Variants in RAPGEF4 observed in about 807,000 individuals in gnomAD.
RAPGEF4 encodes the protein RAP guanine-nucleotide-exchange factor (GEF) 4.
Under a neutral mutation model 147.9 loss-of-function variants are expected in RAPGEF4, and 66 were observed. That is an observed-to-expected ratio of 0.45 (90% confidence interval 0.37 to 0.55). The LOEUF is 0.55. RAPGEF4 is among the 20% of genes least tolerant of loss of function. The pLI, the probability that RAPGEF4 is intolerant of heterozygous loss-of-function variation, is 0.00. For synonymous variants in RAPGEF4, 419 were observed against 442.7 expected (o/e 0.95, Z 0.67); for missense variants, 1,071 against 1,257.3 (o/e 0.85, Z 2.24).
intron 17 of RAPGEF4, among the ~76,000 whole-genome samples, chr2:173,010,101 T>A (rs1337935507): frequency 3.9e-5 from 6 of 152,182 alleles, no homozygotes; most frequent in Non-Finnish European, 7.3e-5. Flanking sequence ...TCTGCCTCAG[T>A]TTTCTTACCT....
At chr2:172,761,892 G>A (rs1696381805) in intron 1 of RAPGEF4, among the ~76,000 whole-genome samples, 1 of 152,038 alleles carries the variant, frequency 6.6e-6, no homozygotes. Flanking sequence ...GGGAGGCCGA[G>A]GTAGGTGGAT....
chr2:172,737,224 A>G (rs906357415), intron 1 of RAPGEF4, among the ~76,000 whole-genome samples: 1 of 152,234 alleles, frequency 6.6e-6, no homozygotes, highest in African/African-American at 2.4e-5. Flanking sequence ...ATTTATGTCT[A>G]AAATGATATG....
intron 4 of RAPGEF4, among the ~76,000 whole-genome samples, chr2:172,887,990 C>A (rs986371334): frequency 6.6e-6 from 1 of 152,132 alleles, no homozygotes; most frequent in Non-Finnish European, 1.5e-5. Context: ...AATTCACATT[C>A]TTGTGTTTAT....
chr2:172,983,683 T>A, intron 11 of RAPGEF4, 103 bp downstream of exon 11: 1 of 1,493,838 alleles, frequency 6.7e-7, no homozygotes, highest in Non-Finnish European at 8.9e-7. Context: ...GAATGTCTGA[T>A]TTTCACCTCA....
At chr2:172,833,160 C>T (rs537666131) in intron 4 of RAPGEF4, among the ~76,000 whole-genome samples, 19 of 149,882 alleles carry the variant, frequency 1.3e-4, no homozygotes, top group Admixed American at 4.0e-4. Context: ...GCCGAGATCA[C>T]GCCATTGCAC....
chr2:172,784,726 C>G (rs867589372), intron 1 of RAPGEF4, among the ~76,000 whole-genome samples: 1 of 152,004 alleles, frequency 6.6e-6, no homozygotes, highest in Non-Finnish European at 1.5e-5. Context: ...GTTTCAAAGA[C>G]TTTTGCTATA....
chr2:172,790,752 T>G (rs997371737), intron 1 of RAPGEF4, among the ~76,000 whole-genome samples: 2 of 152,204 alleles, frequency 1.3e-5, no homozygotes, highest in African/African-American at 4.8e-5. Context: ...AACATGTGCT[T>G]TGTGCTTCAT....
At position 172,736,060 on chromosome 2, in the gene RAPGEF4, G is replaced by T; in HGVS notation, c.65+12G>T. 1 of 1,461,814 alleles carries T rather than the reference G, an allele frequency of 6.8e-7. No individual in the cohort carries two copies. The highest frequency in any genetic ancestry group is 9.1e-7 in the Non-Finnish European group (1 of 1,103,394). The allele number at this position is 1,461,814 out of a possible 1,614,324, so 90.6% of individuals were successfully genotyped here. A position where few individuals can be genotyped will look rare whatever the true frequency, so the allele number is the denominator to read the frequency against. ...TGCCTGGATAAAAGGTAGCTCGCCG[G>T]GGGCCGCAGCCGGGGGCCGAGCTCT... On this transcript the variant is annotated intron_variant, in intron 1 of 30. Transcript: ENST00000397081.
At chr2:172,992,210 T>G (rs1217375283) in intron 15 of RAPGEF4, among the ~76,000 whole-genome samples, 1 of 152,240 alleles carries the variant, frequency 6.6e-6, no homozygotes, top group African/African-American at 2.4e-5. Context: ...AAAAACTACC[T>G]GTCACTTACA....
intron 8 of RAPGEF4, among the ~76,000 whole-genome samples, chr2:172,962,866 A>G (rs1034356710): frequency 1.3e-5 from 2 of 152,150 alleles, no homozygotes; most frequent in African/African-American, 2.4e-5. Context: ...CCAGAAGTTG[A>G]TTCCTTTTCT....
At chr2:172,828,033 T>C (rs1299925914) in intron 4 of RAPGEF4, among the ~76,000 whole-genome samples, 1 of 152,108 alleles carries the variant, frequency 6.6e-6, no homozygotes, top group African/African-American at 2.4e-5. Flanking sequence ...CAAGCATTAG[T>C]CAAGCATTCA....
chr2:173,041,664 A>G (rs1684774263), intron 29 of RAPGEF4, among the ~76,000 whole-genome samples: 1 of 152,236 alleles, frequency 6.6e-6, no homozygotes, highest in Admixed American at 6.5e-5. Context: ...ACCACATTAT[A>G]TGCAGTGACA....
chr2:172,910,703 G>C (rs1277890905), intron 4 of RAPGEF4, among the ~76,000 whole-genome samples: 1 of 152,212 alleles, frequency 6.6e-6, no homozygotes, highest in Non-Finnish European at 1.5e-5. Flanking sequence ...CTTCGGTGTG[G>C]TCTCCCCATG....
intron 4 of RAPGEF4, among the ~76,000 whole-genome samples, chr2:172,880,605 A>C (rs1157959193): frequency 6.6e-6 from 1 of 152,254 alleles, no homozygotes; most frequent in Admixed American, 6.5e-5. Context: ...TAGAAGCACG[A>C]TAATTAAAAA....
chr2:173,031,251 G>C (rs1309036802), intron 26 of RAPGEF4, among the ~76,000 whole-genome samples: 1 of 152,198 alleles, frequency 6.6e-6, no homozygotes, highest in Non-Finnish European at 1.5e-5. Context: ...ATTCCAGGCA[G>C]ATGCAGCACA....
Position 172,965,570 on chromosome 2 carries a change from G to C in RAPGEF4, c.707G>C (p.Cys236Ser), listed in dbSNP as rs1331509893. 6.2e-7 allele frequency: 1 copy of C among 1,613,574 alleles called. No individual in the cohort carries two copies. The highest frequency in any genetic ancestry group is 8.5e-7 in the Non-Finnish European group (1 of 1,179,492). The change falls in exon 9 of 31, where the codon TGT becomes TCT. Residue 236 changes from cysteine to serine, a missense_variant. Transcript: ENST00000397081. ...KYHLKTYRQC[C>S]VGTELVDWMM... ...GTCTCACCTCTCCTTAGACAATGCT[G>C]TGTGGGAACTGAACTGGTGGACTGG... is the stretch of plus-strand genomic sequence containing the variant.
intron 17 of RAPGEF4, among the ~76,000 whole-genome samples, chr2:173,003,704 T>TC (rs1170451820): frequency 2.0e-5 from 3 of 149,028 alleles, no homozygotes; most frequent in Non-Finnish European, 3.0e-5. Context: ...CCTTTTTTTT[T>TC]TCTCTCTCTC....
chr2:172,968,137 T>C (rs987018782), intron 10 of RAPGEF4, among the ~76,000 whole-genome samples: 3 of 152,186 alleles, frequency 2.0e-5, no homozygotes, highest in Non-Finnish European at 4.4e-5. Flanking sequence ...ATGGGGCATA[T>C]AAAGAAGCAT....
intron 4 of RAPGEF4, among the ~76,000 whole-genome samples, chr2:172,820,787 CTG>C (rs3835841): frequency 0.23 from 35,672 of 152,070 alleles, 4,198 homozygotes; most frequent in East Asian, 0.37. Context: ...ATGTTTATGA[CTG>C]TCTCTATTCC....
Sources: gnomAD v4.1 joint callset for allele counts (sites outside exome capture counted in the v4.1 genomes callset) on GRCh38, gnomAD v4.1.1 for gene constraint, MANE v1.5 for transcripts, NCBI Gene and HGNC (gene_info 2026-07-23, HGNC 2026-07-21) for gene names.